The following TMEM132D variants were observed in gnomAD, a reference collection of about 807,000 sequenced individuals.
TMEM132D encodes mature OL transmembrane protein.
In TMEM132D, 21 loss-of-function variants were observed where a neutral mutation model predicts 62.3. The observed-to-expected ratio is 0.34, with a 90% CI of 0.24 to 0.49. TMEM132D has a LOEUF of 0.49. Ranked by LOEUF, TMEM132D falls within the 20% of genes least tolerant of loss-of-function variation. The probability of loss-of-function intolerance (pLI) is 0.99; values close to 1 mark genes in which losing one functional copy is unlikely to be tolerated. For missense variants in TMEM132D, 1,346 were observed against 1,402.8 expected (o/e 0.96, Z 0.65); for synonymous variants, 621 against 575.6 (o/e 1.08, Z -1.13).
rs1198549788 is a variant in TMEM132D at position 129,679,327 on chromosome 12, G to T, written c.968+20483C>A. On this transcript the variant is annotated intron_variant, in intron 2 of 8. Transcript: ENST00000422113. ...AAATGTTATAATCAAGATATGTTTT[G>T]TATTAATATTTTGTCATAAATTATT... is the stretch of plus-strand genomic sequence containing the variant. Among the ~76,000 whole-genome samples the T allele has an allele frequency of 3.9e-5, 6 of 151,904 alleles. No individual in the cohort carries two copies. In the East Asian group the frequency reaches 1.2e-3, roughly 29 times the overall value.
chr12:129,134,134 C>CTGTGTGTGTCTG (rs1555231902), intron 5 of TMEM132D, among the ~76,000 whole-genome samples: 3,005 of 76,970 alleles, frequency 0.039, 99 homozygotes, highest in African/African-American at 0.09. Context: ...GTGTGTGTGT[C>CTGTGTGTGTCTG]TGTGTGTGTG....
chr12:129,891,096 C>T (rs1331830511), intron 1 of TMEM132D, among the ~76,000 whole-genome samples: 4 of 152,146 alleles, frequency 2.6e-5, no homozygotes, highest in African/African-American at 4.8e-5. Flanking sequence ...CCCGGTGACT[C>T]GGTGGCACCC....
intron 3 of TMEM132D, among the ~76,000 whole-genome samples, chr12:129,433,605 A>C (rs1872718688): frequency 6.6e-6 from 1 of 152,140 alleles, no homozygotes; most frequent in South Asian, 2.1e-4. Flanking sequence ...TGTGGAGATT[A>C]TACTTGTTGC....
intron 1 of TMEM132D, among the ~76,000 whole-genome samples, chr12:129,781,627 G>T (rs1593159488): frequency 6.6e-6 from 1 of 152,098 alleles, no homozygotes; most frequent in Non-Finnish European, 1.5e-5. Flanking sequence ...GGCTGCTTTG[G>T]TTACCACTAT....
rs555888883 is a variant in TMEM132D, at chr12:129,175,175, C to T, written c.1443+34345G>A. Among the ~76,000 whole-genome samples the T allele has an allele frequency of 1.1e-3, 174 of 151,964 alleles. 1 individual carries two copies. The highest frequency in any genetic ancestry group is 3.4e-3 in the Middle Eastern group (1 of 294). On this transcript the variant is annotated intron_variant, in intron 5 of 8. Coordinates refer to ENST00000422113, the MANE Select transcript of TMEM132D (RefSeq NM_133448.3). ...ATGCCTATGTCCTGAATGGTATTGC[C>T]TAGGTTTTCTTCTAGGGTTTTTATG...
chr12:129,870,829 G>A (rs1419493046), intron 1 of TMEM132D, among the ~76,000 whole-genome samples: 1 of 152,006 alleles, frequency 6.6e-6, no homozygotes, highest in Non-Finnish European at 1.5e-5. Context: ...AAAGCCCCTC[G>A]CCCCCTACAG....
intron 4 of TMEM132D, among the ~76,000 whole-genome samples, chr12:129,241,261 C>T (rs1879930989): frequency 6.6e-6 from 1 of 151,770 alleles, no homozygotes; most frequent in African/African-American, 2.4e-5. Flanking sequence ...GCAAACTATC[C>T]ATCTTACAAG....
chr12:129,679,061 G>A lies in TMEM132D; in HGVS notation c.968+20749C>T, dbSNP rs139655879. Among the ~76,000 whole-genome samples, 1,035 of 151,092 alleles carry A rather than the reference G, an allele frequency of 6.9e-3. 16 individuals are homozygous for A. The highest frequency in any genetic ancestry group is 0.024 in the African/African-American group (971 of 41,242). On this transcript the variant is annotated intron_variant, in intron 2 of 8. Coordinates refer to ENST00000422113, the MANE Select transcript of TMEM132D (RefSeq NM_133448.3). ...TCTATATATTTTTCTCTTTAGTGTC[G>A]TATCCATTAACAGCCCTTTGATCTT...
intron 4 of TMEM132D, among the ~76,000 whole-genome samples, chr12:129,226,050 G>A (rs1879472576): frequency 6.6e-6 from 1 of 152,184 alleles, no homozygotes; most frequent in Non-Finnish European, 1.5e-5. Context: ...CGTAGAAGCT[G>A]TATTTTATGA....
intron 1 of TMEM132D, among the ~76,000 whole-genome samples, chr12:129,730,945 C>T (rs1267601173): frequency 2.0e-5 from 3 of 152,142 alleles, no homozygotes; most frequent in East Asian, 3.9e-4. Flanking sequence ...TTCCTTGCTC[C>T]TCATCTAGCA....
intron 2 of TMEM132D, among the ~76,000 whole-genome samples, chr12:129,613,037 G>A (rs1001487286): frequency 1.3e-5 from 2 of 152,112 alleles, no homozygotes; most frequent in Admixed American, 6.5e-5. Context: ...ATTCCGTCCT[G>A]AGCCCATCTG....
chr12:129,232,648 C>T (rs1417577195), intron 4 of TMEM132D, among the ~76,000 whole-genome samples: 3 of 152,142 alleles, frequency 2.0e-5, no homozygotes, highest in African/African-American at 7.2e-5. Context: ...CAATCACATT[C>T]TGTATTAGTT....
rs12296350 is a variant in TMEM132D, at chr12:129,490,948, G to A, written c.1115+40111C>T. On this transcript the variant is annotated intron_variant, in intron 3 of 8. Transcript: ENST00000422113. ...CCTACCCCCTACTCTGATCCGGCAC[G>A]TTGCTCTGTGACCCCTGCTGGTTCC... Among the ~76,000 whole-genome samples the A allele has an allele frequency of 2.6e-5, 4 of 152,114 alleles. No individual in the cohort carries two copies. The East Asian group carries it at 5.8e-4, about 22-fold the overall frequency.
intron 1 of TMEM132D, among the ~76,000 whole-genome samples, chr12:129,707,604 G>C (rs637007): frequency 6.6e-6 from 1 of 152,174 alleles, no homozygotes; most frequent in Non-Finnish European, 1.5e-5. Flanking sequence ...CTTTTGGAAA[G>C]GTAAAGTTCT....
At chr12:129,111,022 GC>G (rs34682522) in intron 5 of TMEM132D, 26,561 of 152,490 alleles carry the variant, frequency 0.17, 4,245 homozygotes, top group African/African-American at 0.42. Context: ...TCCAGATGCA[GC>G]CCCCCTGCCA....
At chr12:129,636,737 T>TGTGTGTGTGTGA (rs375868329) in intron 2 of TMEM132D, among the ~76,000 whole-genome samples, 2,138 of 113,418 alleles carry the variant, frequency 0.019, 35 homozygotes, top group Middle Eastern at 0.032. Context: ...TGTGTGTGTG[T>TGTGTGTGTGTGA]GAGAGAGAGA....
intron 1 of TMEM132D, among the ~76,000 whole-genome samples, chr12:129,807,835 C>T (rs1448257637): frequency 1.3e-5 from 2 of 152,194 alleles, no homozygotes; most frequent in South Asian, 2.1e-4. Flanking sequence ...TCCATTTCTA[C>T]TCCTCTTAAA....
rs139280582 is a variant in TMEM132D, at chr12:129,232,633, G to A, written c.1300-22970C>T. Among the ~76,000 whole-genome samples the A allele has an allele frequency of 3.3e-5, 5 of 152,146 alleles. No homozygotes were observed. In the East Asian group the frequency reaches 9.7e-4, roughly 29 times the overall value. On this transcript the variant is annotated intron_variant, in intron 4 of 8. Coordinates refer to ENST00000422113, the MANE Select transcript of TMEM132D (RefSeq NM_133448.3). The stretch of plus-strand genomic sequence containing the variant: ...GATTACTATTTGCCCCAGGTCCCCT[G>A]CTCACAATCACATTCTGTATTAGTT...
chr12:129,700,483 G>A lies in TMEM132D; in HGVS notation c.295C>T (p.Pro99Ser), dbSNP rs1881360279. 1 of 1,614,162 alleles carries A rather than the reference G, an allele frequency of 6.2e-7. No homozygotes were observed. The highest frequency in any genetic ancestry group is 8.5e-7 in the Non-Finnish European group (1 of 1,180,040). Residue 99 changes from proline (P) to serine (S), a missense_variant, in exon 2 of 9, where the codon CCT (proline) becomes TCT (serine). Physicochemically the swap from Pro to Ser is moderately conservative, Grantham distance 74. Transcript: ENST00000422113. ...RLPVLNASYG[P>S]FSIEQVVPQD... ...GGCACCACTTGCTCGATGGAGAAAGGCCCGTAGCTGGCATTGAGGACAGGC... is the reference window on the plus strand; with the variant it reads ...GGCACCACTTGCTCGATGGAGAAAGACCCGTAGCTGGCATTGAGGACAGGC...
Sources: allele counts gnomAD v4.1 joint callset (sites outside exome capture counted in the v4.1 genomes callset), GRCh38; gene constraint gnomAD v4.1.1; transcripts MANE v1.5; gene names NCBI Gene and HGNC (gene_info 2026-07-23, HGNC 2026-07-21).